Variants in SMAD2 observed in about 807,000 individuals in gnomAD.
The protein encoded by SMAD2 is MAD homolog 2.
A neutral mutation model predicts 64.4 loss-of-function variants in SMAD2; 8 were observed. The ratio of observed to expected loss-of-function variants is 0.12; its 90% CI spans 0.07 to 0.22. The LOEUF is 0.22. SMAD2 is among the 10% of genes least tolerant of loss of function. The pLI is 1.00. For missense variants in SMAD2, 289 were observed against 561.2 expected (o/e 0.51, Z 4.90); for synonymous variants, 203 against 195.8 (o/e 1.04, Z -0.31).
chr18:47,922,764 A>G (rs1184983643), intron 1 of SMAD2: 2 of 152,272 alleles, frequency 1.3e-5, no homozygotes, highest in African/African-American at 4.8e-5. Context: ...CCTCAAAAAA[A>G]TTAAAATACA....
chr18:47,878,360 T>C (rs2032386866), intron 2 of SMAD2: 1 of 152,206 alleles, frequency 6.6e-6, no homozygotes, highest in Non-Finnish European at 1.5e-5. Flanking sequence ...TTTTAACAAC[T>C]AATTCTATTA....
intron 1 of SMAD2, among the ~76,000 whole-genome samples, chr18:47,911,517 T>C (rs534085900): frequency 7.9e-5 from 12 of 152,332 alleles, no homozygotes; most frequent in Non-Finnish European, 1.5e-4. Flanking sequence ...ATAAATTTCA[T>C]AAATTTGGCC....
At position 47,834,495 on chromosome 18, in the gene SMAD2, T is replaced by C. The variant is rs961640217; in HGVS notation, c.*7332A>G. ...GGGCAGCTGGTCACCCTGAGAACAC[T>C]ACCCACTCGTTCCTTAATATCACTA... On this transcript the variant is annotated 3_prime_UTR_variant, in exon 11 of 11. Coordinates refer to ENST00000262160, the MANE Select transcript of SMAD2 (RefSeq NM_005901.6). 4.9e-6 allele frequency: 1 copy of C among 203,030 alleles called. No individual in the cohort carries two copies. Among genetic ancestry groups the C allele is most frequent in the Non-Finnish European group, 1.0e-5 (1 of 98,768 alleles). The allele number at this position is 203,030 out of a possible 1,614,324, so 12.6% of individuals were successfully genotyped here.
rs370352616 is a variant in SMAD2 at position 47,868,434 on chromosome 18, G to A, written c.544C>T (p.Arg182Ter). 1 of 1,608,212 alleles carries A rather than the reference G, an allele frequency of 6.2e-7. No individual in the cohort carries two copies. The highest frequency in any genetic ancestry group is 8.5e-7 in the Non-Finnish European group (1 of 1,177,378). The change falls in exon 5 of 11, where the codon CGA becomes TGA. Residue 182 changes from arginine (R) to a stop codon, truncating the protein, a stop_gained. Coordinates refer to ENST00000262160, the MANE Select transcript of SMAD2 (RefSeq NM_005901.6). LOFTEE classifies it high-confidence loss of function. ...AGTTCTGTTAGGATCTCGGTGTGTCGGGGCACTAATACTGGAGGCAAAACT... is the reference window on the plus strand; with the variant it reads ...AGTTCTGTTAGGATCTCGGTGTGTCAGGGCACTAATACTGGAGGCAAAACT... ...TPVLPPVLVP[R>*]HTEILTELPP...
chr18:47,912,743 G>A (rs960211546), intron 1 of SMAD2, among the ~76,000 whole-genome samples: 1 of 146,500 alleles, frequency 6.8e-6, no homozygotes, highest in Admixed American at 7.0e-5. Flanking sequence ...AAAACTGATA[G>A]AAAAAGCAAA....
rs1193058672 is a variant in SMAD2 at position 47,829,242 on chromosome 18, C to A, written c.*12585G>T. The A allele has an allele frequency of 6.6e-6, 1 of 152,176 alleles. No homozygotes were observed. Among genetic ancestry groups the A allele is most frequent in the African/African-American group, 2.4e-5 (1 of 41,436 alleles). 9.4% of individuals were successfully genotyped at this position (152,176 alleles called of 1,614,324 possible). On this transcript the variant is annotated 3_prime_UTR_variant, in exon 11 of 11. Coordinates refer to ENST00000262160, the MANE Select transcript of SMAD2 (RefSeq NM_005901.6). The stretch of plus-strand genomic sequence containing the variant: ...AATAGAATACAACAAAGCTCCCTTA[C>A]CCAATCCCAACAAACAACCATCAAT...
intron 2 of SMAD2, among the ~76,000 whole-genome samples, chr18:47,890,197 C>T (rs1164589501): frequency 2.0e-5 from 3 of 152,216 alleles, no homozygotes; most frequent in African/African-American, 7.2e-5. Context: ...TCACGTGATA[C>T]TTGACCTCAT....
Position 47,865,141 on chromosome 18 carries a change from A to C in SMAD2, c.656-8T>G. 6.4e-7 allele frequency: 1 copy of C among 1,563,648 alleles called. No homozygotes were observed. Among genetic ancestry groups the C allele is most frequent in the South Asian group, 1.1e-5 (1 of 89,992 alleles). On this transcript the variant is annotated splice_polypyrimidine_tract_variant and splice_region_variant and intron_variant, in intron 5 of 10. Transcript: ENST00000262160. ...ATCCAGGAGGTGGCGTTTCTACAAA[A>C]GTTTAAAACAAATCAAGCACAGCTG...
At chr18:47,887,806 T>C (rs554569874) in intron 2 of SMAD2, among the ~76,000 whole-genome samples, 4 of 152,290 alleles carry the variant, frequency 2.6e-5, no homozygotes, top group Non-Finnish European at 5.9e-5. Context: ...AGCAGACACA[T>C]GTCAAACTGA....
At chr18:47,911,928 T>C (rs2034152795) in intron 1 of SMAD2, among the ~76,000 whole-genome samples, 2 of 152,200 alleles carry the variant, frequency 1.3e-5, no homozygotes, top group Non-Finnish European at 1.5e-5. Flanking sequence ...TTGGCCCCTG[T>C]TGGATTCCTA....
intron 1 of SMAD2, among the ~76,000 whole-genome samples, chr18:47,915,774 C>A (rs1337436247): frequency 6.6e-6 from 1 of 152,174 alleles, no homozygotes; most frequent in African/African-American, 2.4e-5. Flanking sequence ...AACAACATTT[C>A]CAGCACCTCA....
chr18:47,919,195 T>A (rs1424352621), intron 1 of SMAD2, among the ~76,000 whole-genome samples: 1 of 152,064 alleles, frequency 6.6e-6, no homozygotes, highest in African/African-American at 2.4e-5. Flanking sequence ...CTGGGCTTCA[T>A]AATTTTTCAA....
rs147541556 is a variant in SMAD2 at position 47,819,837 on chromosome 18, G to T, written c.*21990C>A. The T allele has an allele frequency of 3.4e-5, 5 of 146,508 alleles. No homozygotes were observed. Among genetic ancestry groups the T allele is most frequent in the African/African-American group, 1.3e-4 (5 of 39,674 alleles). The allele number at this position is 146,508 out of a possible 1,614,324, so 9.1% of individuals were successfully genotyped here. On this transcript the variant is annotated 3_prime_UTR_variant, in exon 11 of 11. Transcript: ENST00000262160. ...AAAAGAATTGGATGGATTATAAACG[G>T]GATAAGCAAGGGTGAGACATGGTGG...
chr18:47,902,464 C>T (rs2033722501), intron 1 of SMAD2, among the ~76,000 whole-genome samples: 1 of 152,076 alleles, frequency 6.6e-6, no homozygotes, highest in Non-Finnish European at 1.5e-5. Flanking sequence ...TTGTTGATGA[C>T]TTTAATTTCA....
intron 2 of SMAD2, among the ~76,000 whole-genome samples, chr18:47,875,740 C>T (rs952634812): frequency 6.6e-6 from 1 of 152,046 alleles, no homozygotes; most frequent in Non-Finnish European, 1.5e-5. Flanking sequence ...AAAAAATGTG[C>T]ATCTTACAAA....
In SMAD2 at chr18:47,930,422, TCCTC is replaced by T. The variant is rs981515727; in HGVS notation, c.-119_-116del. 8.6e-5 allele frequency: 13 copies of T among 151,854 alleles called. No homozygotes were observed. The highest frequency in any genetic ancestry group is 3.1e-4 in the African/African-American group (13 of 41,310). The allele number at this position is 151,854 out of a possible 1,614,324, so 9.4% of individuals were successfully genotyped here. On this transcript the variant is annotated 5_prime_UTR_variant, in exon 1 of 11. Coordinates refer to ENST00000262160, the MANE Select transcript of SMAD2 (RefSeq NM_005901.6). ...GGGGGGTCCGGGACCTTTTGTTCCT[TCCTC>T]TTCCGATGGGATGGAGGGGGCTGGG...
At chr18:47,876,676 T>A (rs998683221) in intron 2 of SMAD2, among the ~76,000 whole-genome samples, 1 of 152,014 alleles carries the variant, frequency 6.6e-6, no homozygotes, top group Admixed American at 6.6e-5. Context: ...TTATCAAATT[T>A]CCCTAGTAAT....
intron 1 of SMAD2, among the ~76,000 whole-genome samples, chr18:47,908,742 G>A (rs879212746): frequency 1.5e-4 from 23 of 152,156 alleles, no homozygotes; most frequent in Admixed American, 2.6e-4. Flanking sequence ...CACGGTGAGC[G>A]GAAGTGTTGC....
In SMAD2 at chr18:47,830,555, A is replaced by T. The variant is rs1421137336; in HGVS notation, c.*11272T>A. 1 of 146,738 alleles carries T rather than the reference A, an allele frequency of 6.8e-6. No homozygotes were observed. Among genetic ancestry groups the T allele is most frequent in the Non-Finnish European group, 1.5e-5 (1 of 66,840 alleles). The allele number at this position is 146,738 out of a possible 1,614,324, so 9.1% of individuals were successfully genotyped here. ...CGCCCCACTGCACCCCAGCCTGGGC[A>T]ACAGAGCAAGACTCTGTCTCCAAAA... On this transcript the variant is annotated 3_prime_UTR_variant, in exon 11 of 11. Coordinates refer to ENST00000262160, the MANE Select transcript of SMAD2 (RefSeq NM_005901.6).
Sources: gnomAD v4.1 joint callset for allele counts (sites outside exome capture counted in the v4.1 genomes callset) on GRCh38, gnomAD v4.1.1 for gene constraint, MANE v1.5 for transcripts, NCBI Gene and HGNC (gene_info 2026-07-23, HGNC 2026-07-21) for gene names.